The following RBM44 variants were observed in gnomAD, a reference collection of about 807,000 sequenced individuals.
RBM44 encodes RNA-binding protein 44.
RBM44 carries 66 observed loss-of-function variants against 105.1 expected under a neutral mutation model. The observed-to-expected ratio is 0.63, with a 90% confidence interval of 0.52 to 0.77. The LOEUF is 0.77. Ranked by LOEUF, RBM44 falls within the 30% of genes least tolerant of loss-of-function variation. RBM44 has a pLI of 0.00. For synonymous variants in RBM44, 365 were observed against 417.6 expected, an observed-to-expected ratio of 0.87 and a Z score of 1.54; for missense variants, 1,122 against 1,207.8, an observed-to-expected ratio of 0.93 and a Z score of 1.05.
rs368429538 is a variant in RBM44, at chr2:237,817,334, A to G, written c.415A>G (p.Lys139Glu). ...TTCAGAATTAGATCCTGAAGTGCAGAAAAAAGAGGAGGTTTTTTTTAATAT... is the reference window on the plus strand; with the variant it reads ...TTCAGAATTAGATCCTGAAGTGCAGGAAAAAGAGGAGGTTTTTTTTAATAT... ...LSSELDPEVQ[K>E]KEEVFFNILE... The change falls in exon 3 of 16, where the codon AAA (lysine) becomes GAA (glutamate). Residue 139 changes from lysine to glutamate, a missense_variant. Lys to Glu is a moderately conservative substitution (Grantham distance 56, BLOSUM62 1). Coordinates refer to ENST00000316997, the MANE Select transcript of RBM44 (RefSeq NM_001080504.3). 6.7e-5 allele frequency: 108 copies of G among 1,602,632 alleles called. No individual in the cohort carries two copies. The highest frequency in any genetic ancestry group is 8.7e-5 in the Non-Finnish European group (102 of 1,175,498).
At chr2:237,829,704 C>G (rs944547054) in intron 13 of RBM44, among the ~76,000 whole-genome samples, 1 of 152,184 alleles carries the variant, frequency 6.6e-6, no homozygotes, top group Non-Finnish European at 1.5e-5. Flanking sequence ...TCTTTGTAGA[C>G]CAAGCTAACG....
chr2:237,823,216 A>G (rs1397170475), intron 8 of RBM44, among the ~76,000 whole-genome samples: 2 of 152,008 alleles, frequency 1.3e-5, no homozygotes, highest in Non-Finnish European at 1.5e-5. Flanking sequence ...CAGTCATTAT[A>G]CACAGACTGG....
At chr2:237,828,513 T>C (rs2061871412) in intron 12 of RBM44, among the ~76,000 whole-genome samples, 1 of 152,150 alleles carries the variant, frequency 6.6e-6, no homozygotes, top group East Asian at 1.9e-4. Flanking sequence ...TTGAAGTATT[T>C]TGCATTCTGT....
rs770394469 is a variant in RBM44 at position 237,841,312 on chromosome 2, C to T, written c.*23-527C>T. Among the ~76,000 whole-genome samples the T allele has an allele frequency of 6.6e-6, 1 of 152,136 alleles. No homozygotes were observed. Among genetic ancestry groups the T allele is most frequent in the Non-Finnish European group, 1.5e-5 (1 of 68,030 alleles). ...GGCCGTTATCCTAAGCAAACTAATG[C>T]AGGAACAGAAAACCAAATACCACGT... On this transcript the variant is annotated intron_variant, in intron 15 of 15. Transcript: ENST00000316997. The surrounding 1 kb of genome is among the most constrained non-coding windows in gnomAD (Gnocchi z 4.5).
chr2:237,829,766 A>G (rs886297440), intron 13 of RBM44, among the ~76,000 whole-genome samples: 1 of 152,184 alleles, frequency 6.6e-6, no homozygotes, highest in Admixed American at 6.6e-5. Flanking sequence ...TCTTTTTATT[A>G]CTACTCTATA....
chr2:237,840,174 C>A (rs1337998183), intron 15 of RBM44, among the ~76,000 whole-genome samples: 1 of 105,668 alleles, frequency 9.5e-6, no homozygotes. Flanking sequence ...GGTGATAGAG[C>A]AAGACTCTAT....
chr2:237,817,149 T>C lies in RBM44; in HGVS notation c.230T>C (p.Leu77Ser), dbSNP rs938061222. 2 of 1,607,352 alleles carry C rather than the reference T, an allele frequency of 1.2e-6. No homozygotes were observed. The highest frequency in any genetic ancestry group is 1.7e-6 in the Non-Finnish European group (2 of 1,177,766). The change falls in exon 3 of 16, where the codon TTA (leucine) becomes TCA (serine). Residue 77 changes from leucine (L) to serine (S), a missense_variant. This residue lies in a region of RBM44 where 918 missense variants were observed against 955.3 expected (regional missense o/e 0.96). Coordinates refer to ENST00000316997, the MANE Select transcript of RBM44 (RefSeq NM_001080504.3). ...EISNIDKMDL[L>S]EPFFSVSQDT... ...AGCAATATTGACAAAATGGATTTAT[T>C]AGAGCCATTTTTTTCAGTGAGTCAA...
At chr2:237,802,164 A>G (rs1245014491) in intron 1 of RBM44, among the ~76,000 whole-genome samples, 1 of 152,204 alleles carries the variant, frequency 6.6e-6, no homozygotes, top group African/African-American at 2.4e-5. Flanking sequence ...AAAAGCCTTC[A>G]CTAATCCTTA....
rs765839484 is a variant in RBM44 at position 237,821,201 on chromosome 2, C to T, written c.2044C>T (p.Pro682Ser). The change falls in exon 6 of 16, where the codon CCA (proline) becomes TCA (serine). Residue 682 changes from proline to serine, a missense_variant. By Grantham distance (74) the Pro-to-Ser change is moderately conservative. This residue lies in a region of RBM44 where 918 missense variants were observed against 955.3 expected (regional missense o/e 0.96). Coordinates refer to ENST00000316997, the MANE Select transcript of RBM44 (RefSeq NM_001080504.3). ...HKGIPLEELP[P>S]LSLESKLLST... Reference sequence around the variant, plus strand: ...AGGCATACCACTGGAAGAGCTGCCCCCACTGTCACTAGAATCAAAATTATT... The same window carrying T: ...AGGCATACCACTGGAAGAGCTGCCCTCACTGTCACTAGAATCAAAATTATT... The T allele has an allele frequency of 6.2e-6, 10 of 1,610,208 alleles. No individual in the cohort carries two copies. Among genetic ancestry groups the T allele is most frequent in the Non-Finnish European group, 8.5e-6 (10 of 1,178,274 alleles).
rs2062012840 is a variant in RBM44, at chr2:237,841,659, T to C, written c.*23-180T>C. On this transcript the variant is annotated intron_variant, in intron 15 of 15. Transcript: ENST00000316997. This position sits in a 1 kb window ranked among gnomAD's most constrained non-coding sequence, Gnocchi z 4.5. ...GTGAAAGAAATATGAGTTAAAATGA[T>C]TGCTAGATACAAAGACAAGACACAA... is the stretch of plus-strand genomic sequence containing the variant. 1.3e-5 allele frequency among the ~76,000 whole-genome samples: 2 copies of C among 152,138 alleles called. No homozygotes were observed. Among genetic ancestry groups the C allele is most frequent in the African/African-American group, 4.8e-5 (2 of 41,418 alleles).
intron 15 of RBM44, among the ~76,000 whole-genome samples, chr2:237,840,594 G>A (rs1279182348): frequency 6.6e-6 from 1 of 152,080 alleles, no homozygotes; most frequent in African/African-American, 2.4e-5. Flanking sequence ...TTAAACTAAA[G>A]AGCTTGTGCA....
chr2:237,828,690 T>C (rs902111015), intron 12 of RBM44, among the ~76,000 whole-genome samples: 1 of 152,152 alleles, frequency 6.6e-6, no homozygotes, highest in Non-Finnish European at 1.5e-5. Flanking sequence ...ATTGCCCAAC[T>C]TTCTTGTATA....
rs1359495459 is a variant in RBM44, at chr2:237,817,375, TAAG to T, written c.458_460del (p.Lys153del). 5 of 1,604,472 alleles carry T rather than the reference TAAG, an allele frequency of 3.1e-6. No homozygotes were observed. In the Admixed American group the frequency reaches 5.2e-5, roughly 17 times the overall value. On this transcript the variant is annotated inframe_deletion, in exon 3 of 16. Coordinates refer to ENST00000316997, the MANE Select transcript of RBM44 (RefSeq NM_001080504.3). ...TTTTTAATATTTTGGAACATCAAGA[TAAG>T]ACTGTTGGCTTGGAAAGAATCTACA... is the stretch of plus-strand genomic sequence containing the variant.
intron 15 of RBM44, among the ~76,000 whole-genome samples, chr2:237,839,233 A>G (rs981586844): frequency 2.0e-5 from 3 of 152,098 alleles, no homozygotes; most frequent in African/African-American, 4.8e-5. Context: ...GCAACTACTA[A>G]AAGAACAATT....
chr2:237,800,542 A>G (rs2061534897), intron 1 of RBM44, among the ~76,000 whole-genome samples: 1 of 152,248 alleles, frequency 6.6e-6, no homozygotes, highest in Non-Finnish European at 1.5e-5. Flanking sequence ...CCAGCTTGAG[A>G]TAGTGTTGCT....
chr2:237,827,643 G>A, intron 12 of RBM44, 140 bp downstream of exon 12: 1 of 613,888 alleles, frequency 1.6e-6, no homozygotes, highest in Non-Finnish European at 2.9e-6. Context: ...AGGGGACATA[G>A]GGACAAATAG....
intron 1 of RBM44, among the ~76,000 whole-genome samples, chr2:237,810,900 G>T (rs1576499399): frequency 1.3e-5 from 2 of 152,134 alleles, no homozygotes; most frequent in East Asian, 3.9e-4. Context: ...CCCAGTTGAA[G>T]GGTCTGTGGT....
intron 1 of RBM44, among the ~76,000 whole-genome samples, chr2:237,805,990 A>G (rs543807841): frequency 9.9e-5 from 15 of 152,184 alleles, no homozygotes; most frequent in Non-Finnish European, 2.1e-4. Flanking sequence ...AAAAAAATTA[A>G]AACAACAACA....
rs777725677 is a variant in RBM44 at position 237,834,285 on chromosome 2, A to T, written c.3040A>T (p.Ile1014Phe). Residue 1014 changes from isoleucine (I) to phenylalanine (F), a missense_variant, in exon 15 of 16, where the codon ATT becomes TTT. Physicochemically the swap from Ile to Phe is conservative, Grantham distance 21. This residue lies in a region of RBM44 where 194 missense variants were observed against 225.5 expected (regional missense o/e 0.86). Transcript: ENST00000316997. ...TGTTTTCCTTTTTCATAGAGACCAT[A>T]TTATAAATGCACTTCAGGAAGTGAG... ...ELHPEVSRDH[I>F]INALQEVRIR... The T allele has an allele frequency of 1.3e-6, 2 of 1,577,838 alleles. No individual in the cohort carries two copies. The highest frequency in any genetic ancestry group is 3.7e-5 in the Admixed American group (2 of 53,732).
Sources: gnomAD v4.1 joint callset for allele counts (sites outside exome capture counted in the v4.1 genomes callset) on GRCh38, gnomAD v4.1.1 for gene constraint, gnomAD v4.1.1 regional missense constraint, Gnocchi (gnomAD v3.1) non-coding constraint, MANE v1.5 for transcripts, NCBI Gene and HGNC (gene_info 2026-07-23, HGNC 2026-07-21) for gene names.